The following ASAP1 variants were observed in gnomAD, a reference collection of about 807,000 sequenced individuals.
ASAP1 encodes the protein arf-GAP with SH3 domain, ANK repeat and PH domain-containing protein 1.
ASAP1 carries 43 observed loss-of-function variants against 145.2 expected under a neutral mutation model. The ratio of observed to expected loss-of-function variants is 0.30; its 90% CI spans 0.23 to 0.38. The LOEUF is 0.38. ASAP1 is among the 10% of genes least tolerant of loss of function. ASAP1 has a pLI of 1.00. For synonymous variants in ASAP1, 546 were observed against 515.5 expected, an observed-to-expected ratio of 1.06 and a Z score of -0.80; for missense variants, 1,018 against 1,355.3, an observed-to-expected ratio of 0.75 and a Z score of 3.91.
chr8:130,265,829 T>C (rs905443588), intron 3 of ASAP1, among the ~76,000 whole-genome samples: 13 of 152,154 alleles, frequency 8.5e-5, no homozygotes, highest in Non-Finnish European at 1.5e-5. Context: ...GAGCCAAGAC[T>C]GCGCCACTGT....
chr8:130,122,813 C>T (rs140213894), intron 18 of ASAP1, among the ~76,000 whole-genome samples: 7 of 152,300 alleles, frequency 4.6e-5, no homozygotes, highest in East Asian at 1.9e-4. Flanking sequence ...GACCAGGTGG[C>T]GCTGATGCTG....
At chr8:130,417,534 G>A (rs1176897319) in intron 1 of ASAP1, among the ~76,000 whole-genome samples, 1 of 152,098 alleles carries the variant, frequency 6.6e-6, no homozygotes, top group East Asian at 1.9e-4. Context: ...GTGAAAAGGG[G>A]TCAGGCTGGA....
intron 4 of ASAP1, among the ~76,000 whole-genome samples, chr8:130,220,437 T>C (rs1817220960): frequency 6.6e-6 from 1 of 151,876 alleles, no homozygotes; most frequent in Non-Finnish European, 1.5e-5. Context: ...TATAAACACT[T>C]ACCCTTGATC....
chr8:130,221,586 T>C (rs1407095050), intron 4 of ASAP1, among the ~76,000 whole-genome samples: 1 of 152,238 alleles, frequency 6.6e-6, no homozygotes, highest in African/African-American at 2.4e-5. Flanking sequence ...TGCTCTTTGC[T>C]AAAATGGTAT....
chr8:130,357,921 C>A (rs999498179), intron 3 of ASAP1, 96 bp downstream of exon 3: 46 of 1,466,990 alleles, frequency 3.1e-5, no homozygotes, highest in Non-Finnish European at 4.0e-5. Flanking sequence ...GCGCCCCCGG[C>A]CCCCGCGTCC....
chr8:130,399,343 A>C (rs1828671650), intron 2 of ASAP1, among the ~76,000 whole-genome samples: 1 of 152,232 alleles, frequency 6.6e-6, no homozygotes, highest in African/African-American at 2.4e-5. Context: ...CATTGTCAGC[A>C]AAACCTAATT....
chr8:130,187,666 G>A (rs1057510927), intron 6 of ASAP1, among the ~76,000 whole-genome samples: 5 of 152,072 alleles, frequency 3.3e-5, no homozygotes, highest in Non-Finnish European at 4.4e-5. Context: ...CAATTTACCC[G>A]CCGCCATGGT....
intron 24 of ASAP1, among the ~76,000 whole-genome samples, 189 bp from the exon 25 acceptor site, chr8:130,092,332 A>G (rs1307989094): frequency 6.6e-6 from 1 of 152,088 alleles, no homozygotes. Context: ...TGGTTAAAAA[A>G]AAAATAAAAT....
At chr8:130,079,486 G>A (rs1420592469) in intron 26 of ASAP1, among the ~76,000 whole-genome samples, 2 of 152,076 alleles carry the variant, frequency 1.3e-5, no homozygotes, top group Non-Finnish European at 2.9e-5. Flanking sequence ...AAAATCTCCA[G>A]GCAATCAGAT....
intron 3 of ASAP1, among the ~76,000 whole-genome samples, chr8:130,257,786 A>ACCC (rs11392655): frequency 0.03 from 4,027 of 132,170 alleles, 151 homozygotes; most frequent in African/African-American, 0.074. Context: ...ACTCAAGAGC[A>ACCC]CCCCCCCCCC....
chr8:130,309,647 G>A (rs929779505), intron 3 of ASAP1, among the ~76,000 whole-genome samples: 1 of 152,192 alleles, frequency 6.6e-6, no homozygotes, highest in Non-Finnish European at 1.5e-5. Context: ...TATGCAGAGG[G>A]TAGCACAAAG....
At chr8:130,242,077 C>T (rs1331206505) in intron 3 of ASAP1, among the ~76,000 whole-genome samples, 1 of 151,880 alleles carries the variant, frequency 6.6e-6, no homozygotes, top group Non-Finnish European at 1.5e-5. Flanking sequence ...TCTAGGAGTG[C>T]TCTGAGCATT....
intron 3 of ASAP1, among the ~76,000 whole-genome samples, chr8:130,256,884 G>A (rs539813996): frequency 2.7e-5 from 4 of 149,042 alleles, no homozygotes; most frequent in South Asian, 2.1e-4. Context: ...TTAATATACC[G>A]CTGGGAGTAA....
intron 3 of ASAP1, among the ~76,000 whole-genome samples, chr8:130,285,797 G>C (rs1297088602): frequency 6.6e-6 from 1 of 152,200 alleles, no homozygotes; most frequent in Admixed American, 6.5e-5. Context: ...ACCGTGGAAA[G>C]TTTTCCGCCT....
At chr8:130,196,153 C>G (rs1368977115) in intron 5 of ASAP1, among the ~76,000 whole-genome samples, 1 of 152,094 alleles carries the variant, frequency 6.6e-6, no homozygotes, top group Non-Finnish European at 1.5e-5. Flanking sequence ...ACCAGCCTAG[C>G]CAATGTGGTG....
intron 12 of ASAP1, among the ~76,000 whole-genome samples, chr8:130,153,379 ATATATT>A (rs2097651637): frequency 8.4e-6 from 1 of 119,218 alleles, no homozygotes; most frequent in African/African-American, 3.0e-5. Context: ...ATATATATAT[ATATATT>A]TTGAGACAGG....
chr8:130,313,379 C>T lies in ASAP1; in HGVS notation c.186+44638G>A, dbSNP rs532671375. Among the ~76,000 whole-genome samples the T allele has an allele frequency of 1.1e-4, 16 of 152,040 alleles. No individual in the cohort carries two copies. In the East Asian group the frequency reaches 3.1e-3, roughly 29 times the overall value. ...GCAGCTCTCACTCTCAATGAGATCA[C>T]GTATAAATTGAGTCCTCCTTCCAAA... On this transcript the variant is annotated intron_variant, in intron 3 of 29. Coordinates refer to ENST00000518721, the MANE Select transcript of ASAP1 (RefSeq NM_018482.4).
chr8:130,080,077 C>G (rs933430573), intron 25 of ASAP1, 106 bp from the exon 26 acceptor site: 3 of 1,014,298 alleles, frequency 3.0e-6, no homozygotes. Context: ...TCCAGAACGG[C>G]ATTTAAAAGA....
chr8:130,317,509 G>C (rs1823737354), intron 3 of ASAP1, among the ~76,000 whole-genome samples: 1 of 152,202 alleles, frequency 6.6e-6, no homozygotes, highest in African/African-American at 2.4e-5. Flanking sequence ...GGCTGGACCT[G>C]TCTGTGAATC....
Sources: allele counts gnomAD v4.1 joint callset (sites outside exome capture counted in the v4.1 genomes callset), GRCh38; gene constraint gnomAD v4.1.1; transcripts MANE v1.5; gene names NCBI Gene and HGNC (gene_info 2026-07-23, HGNC 2026-07-21).